ST6GALNAC3: variants seen among roughly 807,000 people sequenced by gnomAD.
ST6GALNAC3 encodes alpha-N-acetylgalactosaminide alpha-2,6-sialyltransferase 3.
In ST6GALNAC3, 25 loss-of-function variants were observed where a neutral mutation model predicts 32.7. The observed-to-expected ratio is 0.76, with a 90% CI of 0.56 to 1.07. The LOEUF is 1.07. Ranked by LOEUF, ST6GALNAC3 falls within the 50% of genes least tolerant of loss-of-function variation. The probability of loss-of-function intolerance (pLI) is 0.00; values close to 1 mark genes in which losing one functional copy is unlikely to be tolerated. For missense variants in ST6GALNAC3, 355 were observed against 382.4 expected (o/e 0.93, Z 0.60); for synonymous variants, 129 against 133.1 (o/e 0.97, Z 0.21).
intron 1 of ST6GALNAC3, among the ~76,000 whole-genome samples, chr1:76,099,831 A>G (rs1192977762): frequency 2.6e-5 from 4 of 152,162 alleles, no homozygotes; most frequent in Non-Finnish European, 5.9e-5. Flanking sequence ...CATTAACTCC[A>G]TAGATTCGTT....
chr1:76,254,765 A>G (rs1657820146), intron 1 of ST6GALNAC3, among the ~76,000 whole-genome samples: 1 of 152,092 alleles, frequency 6.6e-6, no homozygotes. Context: ...AACTGAGCTT[A>G]CAGATCTAAT....
At position 76,188,172 on chromosome 1, in the gene ST6GALNAC3, G is replaced by A. The variant is rs190019821; in HGVS notation, c.18+113288G>A. ...AGGTCAGGAGTTCGAGACCAGCCTG[G>A]CTAACATGGTGAAACCCCATCTCTA... On this transcript the variant is annotated intron_variant, in intron 1 of 4. Transcript: ENST00000328299. 2.9e-3 allele frequency among the ~76,000 whole-genome samples: 449 copies of A among 152,286 alleles called. 7 individuals carry two copies. The highest frequency in any genetic ancestry group is 0.01 in the African/African-American group (428 of 41,550).
At chr1:76,518,291 A>G (rs1662293448) in intron 3 of ST6GALNAC3, among the ~76,000 whole-genome samples, 2 of 152,072 alleles carry the variant, frequency 1.3e-5, no homozygotes, top group Admixed American at 1.3e-4. Context: ...ATGTTCGACC[A>G]TTCTATGTCA....
intron 3 of ST6GALNAC3, among the ~76,000 whole-genome samples, chr1:76,482,346 C>T (rs1659780401): frequency 1.3e-5 from 2 of 152,116 alleles, no homozygotes; most frequent in South Asian, 2.1e-4. Context: ...AAGAAGAGAT[C>T]GTTCACATAC....
intron 3 of ST6GALNAC3, among the ~76,000 whole-genome samples, chr1:76,432,929 G>A (rs1344486422): frequency 6.6e-6 from 1 of 152,082 alleles, no homozygotes; most frequent in Non-Finnish European, 1.5e-5. Context: ...AGGCGGTTTT[G>A]AGGATGAAAT....
chr1:76,432,876 G>A (rs983627211), intron 3 of ST6GALNAC3, among the ~76,000 whole-genome samples: 11 of 152,152 alleles, frequency 7.2e-5, no homozygotes, highest in Non-Finnish European at 1.5e-4. Context: ...GGTGTTCAAT[G>A]AAAATTGTTT....
chr1:76,296,751 A>G (rs1660428103), intron 1 of ST6GALNAC3, among the ~76,000 whole-genome samples: 1 of 152,012 alleles, frequency 6.6e-6, no homozygotes, highest in African/African-American at 2.4e-5. Context: ...TAGAATTTCA[A>G]CTCTGATGAG....
At chr1:76,512,694 C>T (rs72678081) in intron 3 of ST6GALNAC3, among the ~76,000 whole-genome samples, 125 of 152,206 alleles carry the variant, frequency 8.2e-4, no homozygotes, top group Non-Finnish European at 1.5e-3. Context: ...ACTTTGTACC[C>T]GTTGACCAGC....
At chr1:76,408,402 A>C (rs905963026) in intron 2 of ST6GALNAC3, among the ~76,000 whole-genome samples, 1 of 152,096 alleles carries the variant, frequency 6.6e-6, no homozygotes, top group Non-Finnish European at 1.5e-5. Flanking sequence ...ACAAAGTGGC[A>C]ATTTTATAGA....
At chr1:76,416,561 A>T (rs1227089974) in intron 3 of ST6GALNAC3, among the ~76,000 whole-genome samples, 2 of 150,946 alleles carry the variant, frequency 1.3e-5, no homozygotes, top group East Asian at 1.9e-4. Context: ...AAAAATACTT[A>T]AAAAAAAATA....
intron 1 of ST6GALNAC3, among the ~76,000 whole-genome samples, chr1:76,303,132 T>A (rs1418043977): frequency 7.6e-6 from 1 of 132,222 alleles, no homozygotes; most frequent in Non-Finnish European, 1.7e-5. Flanking sequence ...AATCAGAGGC[T>A]AAAGTGATGT....
At chr1:76,136,203 T>C (rs1354708442) in intron 1 of ST6GALNAC3, among the ~76,000 whole-genome samples, 1 of 152,214 alleles carries the variant, frequency 6.6e-6, no homozygotes, top group Non-Finnish European at 1.5e-5. Flanking sequence ...AGAAACCAAA[T>C]TCAAAGGGTT....
chr1:76,290,989 A>G lies in ST6GALNAC3; in HGVS notation c.19-22816A>G, dbSNP rs77058477. Among the ~76,000 whole-genome samples the G allele has an allele frequency of 3.6e-3, 555 of 152,328 alleles. 12 individuals carry two copies. The highest frequency in any genetic ancestry group is 0.03 in the East Asian group (154 of 5,174). On this transcript the variant is annotated intron_variant, in intron 1 of 4. Coordinates refer to ENST00000328299, the MANE Select transcript of ST6GALNAC3 (RefSeq NM_152996.4). Reference sequence around the variant, plus strand: ...ACCACAGCTAAAATTTGAAAGGTCCAACTGAGAAATGTCAGGAGGAAGTAA... The same window carrying G: ...ACCACAGCTAAAATTTGAAAGGTCCGACTGAGAAATGTCAGGAGGAAGTAA...
At chr1:76,404,725 T>G (rs1407271004) in intron 2 of ST6GALNAC3, among the ~76,000 whole-genome samples, 1 of 152,094 alleles carries the variant, frequency 6.6e-6, no homozygotes, top group East Asian at 1.9e-4. Flanking sequence ...TCAAATTGGA[T>G]AATGAAAAGC....
intron 3 of ST6GALNAC3, among the ~76,000 whole-genome samples, chr1:76,457,093 C>A (rs942900577): frequency 1.3e-4 from 19 of 151,930 alleles, no homozygotes; most frequent in African/African-American, 4.6e-4. Context: ...TGAGTGAACT[C>A]CCATTCACAA....
At chr1:76,455,987 A>G (rs1657754076) in intron 3 of ST6GALNAC3, among the ~76,000 whole-genome samples, 1 of 152,054 alleles carries the variant, frequency 6.6e-6, no homozygotes, top group Non-Finnish European at 1.5e-5. Flanking sequence ...GGAGTTTGAG[A>G]CCAGCCTGGC....
chr1:76,131,453 T>C (rs1649604057), intron 1 of ST6GALNAC3, among the ~76,000 whole-genome samples: 1 of 152,182 alleles, frequency 6.6e-6, no homozygotes, highest in Non-Finnish European at 1.5e-5. Context: ...TGCACATTGA[T>C]CCTGGTCTTC....
chr1:76,574,218 C>A (rs1646762572), intron 3 of ST6GALNAC3, among the ~76,000 whole-genome samples: 1 of 151,984 alleles, frequency 6.6e-6, no homozygotes, highest in Admixed American at 6.6e-5. Context: ...GTGTTAAATT[C>A]AAAATCAGGA....
At chr1:76,253,480 A>C (rs1265270842) in intron 1 of ST6GALNAC3, among the ~76,000 whole-genome samples, 2 of 152,152 alleles carry the variant, frequency 1.3e-5, no homozygotes, top group East Asian at 3.8e-4. Flanking sequence ...TCATGAGAGC[A>C]AGATGGAAAG....
Sources: allele counts gnomAD v4.1 joint callset (sites outside exome capture counted in the v4.1 genomes callset), GRCh38; gene constraint gnomAD v4.1.1; transcripts MANE v1.5; gene names NCBI Gene and HGNC (gene_info 2026-07-23, HGNC 2026-07-21).